Variants in PDE1A observed in about 807,000 individuals in gnomAD.
PDE1A encodes the protein dual specificity calcium/calmodulin-dependent 3',5'-cyclic nucleotide phosphodiesterase 1A.
A neutral mutation model predicts 61.7 loss-of-function variants in PDE1A; 35 were observed. That is an observed-to-expected ratio of 0.57 (90% CI 0.43 to 0.75). PDE1A has a LOEUF of 0.75. Among genes scored for constraint, PDE1A ranks in the 30% least tolerant of loss-of-function variants. The probability of loss-of-function intolerance (pLI) is 0.00; values close to 1 mark genes in which losing one functional copy is unlikely to be tolerated. For missense variants in PDE1A, 597 were observed against 630.6 expected, an observed-to-expected ratio of 0.95 and a Z score of 0.57; for synonymous variants, 232 against 213.2, an observed-to-expected ratio of 1.09 and a Z score of -0.77.
the PDE1A span, among the ~76,000 whole-genome samples, chr2:182,528,204 G>C: frequency 6.6e-6 from 1 of 152,148 alleles, no homozygotes; most frequent in African/African-American, 2.4e-5. Context: ...AAATGGCTTT[G>C]ACCAAAATGC....
At chr2:182,148,558 G>A (rs980178659) in intron 13 of PDE1A, among the ~76,000 whole-genome samples, 1 of 152,134 alleles carries the variant, frequency 6.6e-6, no homozygotes, top group Non-Finnish European at 1.5e-5. Flanking sequence ...AATGTCCACA[G>A]CCCCTGGAAA....
chr2:182,569,715 C>T, the PDE1A span, among the ~76,000 whole-genome samples: 1 of 152,178 alleles, frequency 6.6e-6, no homozygotes, highest in Admixed American at 6.5e-5. Flanking sequence ...TGAAGTTCAG[C>T]AATTGAGGGA....
intron 1 of PDE1A, among the ~76,000 whole-genome samples, chr2:182,340,463 G>A (rs933184550): frequency 6.6e-6 from 1 of 152,082 alleles, no homozygotes; most frequent in African/African-American, 2.4e-5. Context: ...AGGGCACCTT[G>A]TCTCATAAAA....
intron 2 of PDE1A, among the ~76,000 whole-genome samples, chr2:182,251,192 C>T (rs1476756778): frequency 6.6e-6 from 1 of 152,196 alleles, no homozygotes. Context: ...TGGAGTCAAA[C>T]TCCTGGCTTC....
intron 2 of PDE1A, among the ~76,000 whole-genome samples, chr2:182,253,994 A>G (rs1260190004): frequency 6.6e-6 from 1 of 152,134 alleles, no homozygotes; most frequent in East Asian, 1.9e-4. Flanking sequence ...GATTTTCATT[A>G]TTATTATTAT....
chr2:182,496,787 A>G (rs1688742991), intron 2 of PDE1A, among the ~76,000 whole-genome samples: 1 of 152,362 alleles, frequency 6.6e-6, no homozygotes, highest in Middle Eastern at 3.4e-3. Flanking sequence ...GCCCAGAGGC[A>G]GTAGCTTCCT....
chr2:182,286,515 C>T (rs762678955), intron 1 of PDE1A, among the ~76,000 whole-genome samples: 4 of 152,132 alleles, frequency 2.6e-5, no homozygotes, highest in Non-Finnish European at 5.9e-5. Flanking sequence ...CAGTTTGCTT[C>T]TCACTCATAA....
the PDE1A span, among the ~76,000 whole-genome samples, chr2:182,686,538 T>TAGGTTGACAGGCGGTCCAA: frequency 6.6e-6 from 1 of 152,168 alleles, no homozygotes. Context: ...ATTTGAAAGT[T>TAGGTTGACAGGCGGTCCAA]AGGTTGACAG....
intron 2 of PDE1A, among the ~76,000 whole-genome samples, chr2:182,500,620 G>T (rs1689029835): frequency 6.6e-6 from 1 of 152,102 alleles, no homozygotes; most frequent in Non-Finnish European, 1.5e-5. Context: ...ACCCTCCAAT[G>T]CCAAATAAGA....
chr2:182,611,661 G>T, the PDE1A span, among the ~76,000 whole-genome samples: 1 of 151,652 alleles, frequency 6.6e-6, no homozygotes, highest in African/African-American at 2.4e-5. Context: ...TTCCAAAGAC[G>T]GTGCTTTTAC....
the PDE1A span, among the ~76,000 whole-genome samples, chr2:182,649,576 C>T: frequency 1.3e-5 from 2 of 149,384 alleles, no homozygotes; most frequent in East Asian, 2.0e-4. Flanking sequence ...TCGAGACCAG[C>T]CTGGGCAATA....
intron 2 of PDE1A, among the ~76,000 whole-genome samples, chr2:182,240,711 T>A (rs532810774): frequency 6.6e-6 from 1 of 152,236 alleles, no homozygotes; most frequent in Admixed American, 6.5e-5. Context: ...ATAGTTGTCA[T>A]ATACTTAATA....
At chr2:182,376,205 T>G (rs2125278822) in intron 1 of PDE1A, among the ~76,000 whole-genome samples, 1 of 152,376 alleles carries the variant, frequency 6.6e-6, no homozygotes, top group East Asian at 1.9e-4. Flanking sequence ...AATGGGATTT[T>G]CCTTCCTATT....
At chr2:182,207,270 AAGG>A (rs1399447181) in intron 7 of PDE1A, among the ~76,000 whole-genome samples, 1 of 152,180 alleles carries the variant, frequency 6.6e-6, no homozygotes, top group Non-Finnish European at 1.5e-5. Context: ...AGGTAGAGAT[AAGG>A]AGGTCTTAGG....
chr2:182,532,943 CTCAA>C, the PDE1A span, among the ~76,000 whole-genome samples: 1 of 5,652 alleles, frequency 1.8e-4, no homozygotes, highest in African/African-American at 5.0e-4. Flanking sequence ...GAGACTCCGT[CTCAA>C]AAAAAAAAAA....
intron 13 of PDE1A, among the ~76,000 whole-genome samples, chr2:182,175,097 G>A (rs1692614335): frequency 6.6e-6 from 1 of 152,120 alleles, no homozygotes; most frequent in Admixed American, 6.6e-5. Flanking sequence ...TGGCTGCATA[G>A]TATTCCATGG....
intron 8 of PDE1A, among the ~76,000 whole-genome samples, 182 bp from the exon 9 acceptor site, chr2:182,201,971 A>G (rs990873526): frequency 1.3e-5 from 2 of 152,202 alleles, no homozygotes; most frequent in African/African-American, 2.4e-5. Context: ...TTTAACTGTC[A>G]TGGATCTAAG....
intron 7 of PDE1A, among the ~76,000 whole-genome samples, chr2:182,220,993 A>AT (rs565100523): frequency 7.2e-5 from 11 of 151,988 alleles, no homozygotes; most frequent in South Asian, 2.1e-4. Context: ...CTGTTAGACA[A>AT]TTTTTTCCCA....
rs560437518 is a variant in PDE1A at position 182,397,505 on chromosome 2, T to C, written c.53+29073A>G. 2.0e-5 allele frequency among the ~76,000 whole-genome samples: 3 copies of C among 152,264 alleles called. No individual in the cohort carries two copies. The Middle Eastern group carries it at 0.01, about 518-fold the overall frequency. The stretch of plus-strand genomic sequence containing the variant: ...TAACGCTTTCCCTGAAAAAAAGTTA[T>C]ATATGATTTTAAGAATTATTAGTGT... On this transcript the variant is annotated intron_variant, in intron 1 of 13. Coordinates refer to ENST00000351439, the Ensembl canonical transcript of PDE1A.
Sources: gnomAD v4.1 joint callset for allele counts (sites outside exome capture counted in the v4.1 genomes callset) on GRCh38, gnomAD v4.1.1 for gene constraint, MANE v1.5 for transcripts, NCBI Gene and HGNC (gene_info 2026-07-23, HGNC 2026-07-21) for gene names.